BACE2: variants seen among roughly 807,000 people sequenced by gnomAD.
The protein encoded by BACE2 is 56 kDa aspartic-like protease.
BACE2 carries 17 observed loss-of-function variants against 46.2 expected under a neutral mutation model. The observed-to-expected ratio is 0.37, with a 90% CI of 0.25 to 0.55. BACE2 has a LOEUF of 0.55. Ranked by LOEUF, BACE2 falls within the 20% of genes least tolerant of loss-of-function variation. BACE2 has a pLI of 0.82. For synonymous variants in BACE2, 277 were observed against 295.9 expected (o/e 0.94, Z 0.66); for missense variants, 595 against 698.1 (o/e 0.85, Z 1.66).
At chr21:41,217,948 G>A (rs1275244261) in intron 1 of BACE2, among the ~76,000 whole-genome samples, 2 of 152,216 alleles carry the variant, frequency 1.3e-5, no homozygotes, top group African/African-American at 2.4e-5. Context: ...GAGCTTCTGT[G>A]GGAAGCGCAG....
chr21:41,212,279 C>G (rs1375373649), intron 1 of BACE2, among the ~76,000 whole-genome samples: 1 of 152,214 alleles, frequency 6.6e-6, no homozygotes, highest in Admixed American at 6.5e-5. Flanking sequence ...AGCGAGCGCT[C>G]TCACGTACTT....
At chr21:41,200,338 C>A (rs1241251632) in intron 1 of BACE2, among the ~76,000 whole-genome samples, 5 of 151,980 alleles carry the variant, frequency 3.3e-5, no homozygotes, top group Admixed American at 1.3e-4. Flanking sequence ...CCAAATATTT[C>A]GATCATTTAA....
chr21:41,196,917 G>A (rs904420949), intron 1 of BACE2, among the ~76,000 whole-genome samples: 5 of 151,998 alleles, frequency 3.3e-5, no homozygotes, highest in Non-Finnish European at 7.4e-5. Context: ...TGGTGGCTTC[G>A]GTTTCCAGGA....
chr21:41,254,481 T>G (rs2123624033), intron 7 of BACE2, among the ~76,000 whole-genome samples: 1 of 152,364 alleles, frequency 6.6e-6, no homozygotes, highest in South Asian at 2.1e-4. Context: ...GTCTCTGCCC[T>G]TTAAGGCTAA....
intron 2 of BACE2, among the ~76,000 whole-genome samples, chr21:41,236,220 G>A (rs967488728): frequency 1.6e-4 from 24 of 152,168 alleles, no homozygotes; most frequent in African/African-American, 5.6e-4. Context: ...ACTCCCCAGG[G>A]CCATGACACC....
intron 7 of BACE2, among the ~76,000 whole-genome samples, chr21:41,251,140 A>G (rs1987624820): frequency 1.3e-5 from 2 of 152,168 alleles, no homozygotes; most frequent in South Asian, 4.1e-4. Flanking sequence ...GCCTCCACCC[A>G]GGCTGGTGTA....
At chr21:41,215,580 C>T (rs76539615) in intron 1 of BACE2, among the ~76,000 whole-genome samples, 3,026 of 152,294 alleles carry the variant, frequency 0.02, 82 homozygotes, top group African/African-American at 0.067. Flanking sequence ...CCAGCTTCTG[C>T]TGGAAAACCG....
intron 1 of BACE2, among the ~76,000 whole-genome samples, chr21:41,171,391 A>C (rs748787149): frequency 3.3e-5 from 5 of 152,200 alleles, no homozygotes; most frequent in Non-Finnish European, 7.3e-5. Context: ...GAAGGCTTTA[A>C]TCAGGAACTA....
chr21:41,179,264 G>T, intron 1 of BACE2: 4 of 1,300,616 alleles, frequency 3.1e-6, no homozygotes, highest in Non-Finnish European at 4.0e-6. Flanking sequence ...AGGGAGTCCA[G>T]GGTGAGGAGT....
intron 2 of BACE2, among the ~76,000 whole-genome samples, chr21:41,227,588 C>T (rs1353329276): frequency 6.6e-6 from 1 of 152,206 alleles, no homozygotes; most frequent in Non-Finnish European, 1.5e-5. Context: ...GCCTCCTGCA[C>T]GTATGGCTGC....
chr21:41,266,396 G>C (rs905242318), intron 8 of BACE2, among the ~76,000 whole-genome samples: 3 of 152,192 alleles, frequency 2.0e-5, no homozygotes, highest in African/African-American at 7.2e-5. Flanking sequence ...CTTATATTTA[G>C]AGGGAGCACA....
At chr21:41,232,868 A>ATTTT (rs142089135) in intron 2 of BACE2, among the ~76,000 whole-genome samples, 3 of 138,026 alleles carry the variant, frequency 2.2e-5, no homozygotes, top group Non-Finnish European at 3.1e-5. Context: ...ACAGACTTGA[A>ATTTT]TTTTTTTTTT....
rs963106880 is a variant in BACE2 at position 41,280,715 on chromosome 21, T to C, written c.*5091T>C. ...TGCTGCCAGCGAACCTCAGGTTGCA[T>C]CAGTGGCTGGAATCTATCACAGCTG... On this transcript the variant is annotated 3_prime_UTR_variant, in exon 9 of 9. Coordinates refer to ENST00000330333, the MANE Select transcript of BACE2 (RefSeq NM_012105.5). 3.3e-5 allele frequency: 5 copies of C among 152,252 alleles called. No individual in the cohort carries two copies. The highest frequency in any genetic ancestry group is 9.6e-5 in the African/African-American group (4 of 41,466). The allele number at this position is 152,252 out of a possible 1,614,324, so 9.4% of individuals were successfully genotyped here.
chr21:41,183,070 A>G (rs55874010), intron 1 of BACE2: 27,534 of 166,758 alleles, frequency 0.17, 2,479 homozygotes, highest in Middle Eastern at 0.18. Context: ...AGACATTGTC[A>G]TTCTATAACT....
chr21:41,180,184 C>T, intron 1 of BACE2: 1 of 219,108 alleles, frequency 4.6e-6, no homozygotes, highest in Non-Finnish European at 9.9e-6. Flanking sequence ...CTTCTGGGTG[C>T]TGCCAGAGCC....
At chr21:41,250,558 CT>C (rs1433556316) in intron 6 of BACE2, among the ~76,000 whole-genome samples, 193 bp from the exon 7 acceptor site, 1 of 152,204 alleles carries the variant, frequency 6.6e-6, no homozygotes, top group Non-Finnish European at 1.5e-5. Context: ...CTTCATGTGT[CT>C]TGACAATTTT....
At chr21:41,215,927 G>A (rs193252649) in intron 1 of BACE2, among the ~76,000 whole-genome samples, 62 of 152,256 alleles carry the variant, frequency 4.1e-4, no homozygotes, top group African/African-American at 1.3e-3. Context: ...ATACATGCAC[G>A]TGAGGTTGAA....
chr21:41,195,831 T>C (rs1985714027), intron 1 of BACE2, among the ~76,000 whole-genome samples: 1 of 152,184 alleles, frequency 6.6e-6, no homozygotes, highest in African/African-American at 2.4e-5. Flanking sequence ...TTGTCCAAGA[T>C]AGCATTCAAG....
intron 3 of BACE2, among the ~76,000 whole-genome samples, chr21:41,239,810 T>C (rs1234554599): frequency 6.6e-6 from 1 of 152,256 alleles, no homozygotes; most frequent in East Asian, 1.9e-4. Context: ...GTATCATAGA[T>C]AATTGCAGAC....
Sources: gnomAD v4.1 joint callset for allele counts (sites outside exome capture counted in the v4.1 genomes callset) on GRCh38, gnomAD v4.1.1 for gene constraint, MANE v1.5 for transcripts, NCBI Gene and HGNC (gene_info 2026-07-23, HGNC 2026-07-21) for gene names.